The following ANAPC10 variants were observed in gnomAD, a reference collection of about 807,000 sequenced individuals.
ANAPC10 encodes the protein anaphase promoting complex subunit 10.
In ANAPC10, 12 loss-of-function variants were observed where a neutral mutation model predicts 22.0. The observed-to-expected ratio is 0.55, with a 90% confidence interval of 0.35 to 0.88. The LOEUF (loss-of-function observed/expected upper bound fraction) is 0.88, where lower values mean the gene tolerates loss of function less well. ANAPC10 is among the 40% of genes least tolerant of loss of function. The pLI, the probability that ANAPC10 is intolerant of heterozygous loss-of-function variation, is 0.01. For synonymous variants in ANAPC10, 65 were observed against 69.5 expected, an observed-to-expected ratio of 0.94 and a Z score of 0.32; for missense variants, 188 against 220.9, an observed-to-expected ratio of 0.85 and a Z score of 0.94.
At chr4:145,052,887 C>CA (rs11455853) in intron 4 of ANAPC10, among the ~76,000 whole-genome samples, 32,547 of 95,544 alleles carry the variant, frequency 0.34, 4,210 homozygotes, top group Non-Finnish European at 0.4. Flanking sequence ...GACTCTGTCT[C>CA]AAAAAAAAAA....
intron 2 of ANAPC10, 52 bp from the exon 3 acceptor site, chr4:145,081,802 C>G: frequency 1.7e-6 from 2 of 1,198,400 alleles, no homozygotes; most frequent in Non-Finnish European, 2.4e-6. Flanking sequence ...AACAACTATA[C>G]ATGCAAAACA....
chr4:145,097,508 C>T, intron 1 of ANAPC10: 1 of 1,287,228 alleles, frequency 7.8e-7, no homozygotes, highest in Non-Finnish European at 1.0e-6. Context: ...TTCCTTGACA[C>T]CTCCCATTGT....
intron 4 of ANAPC10, chr4:145,053,549 A>C (rs1267465536): frequency 4.9e-6 from 2 of 409,910 alleles, no homozygotes; most frequent in Admixed American, 4.4e-5. Context: ...GAGATGGCTA[A>C]GCTACGGTTT....
chr4:145,037,047 T>TGTGTGTGC lies in ANAPC10; in HGVS notation c.327+27524_327+27525insGCACACAC, dbSNP rs1245481901. 1.9e-4 allele frequency among the ~76,000 whole-genome samples: 28 copies of TGTGTGTGC among 148,526 alleles called. 1 individual carries two copies. The highest frequency in any genetic ancestry group is 6.8e-4 in the African/African-American group (27 of 39,922). ...GTGTGTGTGTGTGTGTGTATGTGTGTGCATGCATGAATGTGTGTTTTATGG... is the reference window on the plus strand; with the variant it reads ...GTGTGTGTGTGTGTGTGTATGTGTGTGTGTGTGCGCATGCATGAATGTGTGTTTTATGG... On this transcript the variant is annotated intron_variant, in intron 4 of 4. Transcript: ENST00000507656.
At chr4:145,069,866 T>A (rs1744239885) in intron 3 of ANAPC10, among the ~76,000 whole-genome samples, 2 of 152,140 alleles carry the variant, frequency 1.3e-5, no homozygotes, top group South Asian at 4.1e-4. Context: ...CCAAAAAGGT[T>A]CACAAAAAAT....
intron 4 of ANAPC10, among the ~76,000 whole-genome samples, chr4:145,006,660 T>C (rs1733420334): frequency 6.6e-6 from 1 of 152,182 alleles, no homozygotes; most frequent in Non-Finnish European, 1.5e-5. Context: ...TGTATAATTG[T>C]TATACTTTCC....
At chr4:145,097,374 T>G (rs372943163) in intron 1 of ANAPC10, 28 of 733,356 alleles carry the variant, frequency 3.8e-5, no homozygotes, top group Non-Finnish European at 5.5e-5. Context: ...TCTATTCATA[T>G]GTGAAAAAAC....
At chr4:145,038,718 A>G (rs994212127) in intron 4 of ANAPC10, among the ~76,000 whole-genome samples, 2 of 151,162 alleles carry the variant, frequency 1.3e-5, no homozygotes, top group Non-Finnish European at 2.9e-5. Flanking sequence ...GCTACTCAAG[A>G]GGCTGAGGCA....
At chr4:145,018,261 C>T (rs541718715) in intron 4 of ANAPC10, among the ~76,000 whole-genome samples, 1 of 151,902 alleles carries the variant, frequency 6.6e-6, no homozygotes, top group Admixed American at 6.6e-5. Flanking sequence ...GGAATGGTAC[C>T]TCACATCTCA....
chr4:145,043,056 C>A (rs1739749995), intron 4 of ANAPC10, among the ~76,000 whole-genome samples: 1 of 151,758 alleles, frequency 6.6e-6, no homozygotes, highest in African/African-American at 2.4e-5. Context: ...TTTACAAGGA[C>A]CTCACACAAA....
chr4:144,995,564 G>A lies in ANAPC10; in HGVS notation c.367C>T (p.Pro123Ser), dbSNP rs190357898. The A allele has an allele frequency of 1.9e-6, 3 of 1,613,166 alleles. No individual in the cohort carries two copies. Among genetic ancestry groups the A allele is most frequent in the Middle Eastern group, 1.7e-4 (1 of 6,054 alleles). Reference sequence around the variant, plus strand: ...GGCTTCTTATGATTGTCAGTTAAGGGAACATGAATCCAGCCACTTGGTTCC... The same window carrying A: ...GGCTTCTTATGATTGTCAGTTAAGGAAACATGAATCCAGCCACTTGGTTCC... The part of the protein sequence containing the change: ...LVEPSGWIHV[P>S]LTDNHKKPTR... The change falls in exon 5 of 5, where the codon CCC becomes TCC. Residue 123 changes from proline (P) to serine (S), a missense_variant. Physicochemically the swap from Pro to Ser is moderately conservative, Grantham distance 74. Coordinates refer to ENST00000507656, the MANE Select transcript of ANAPC10 (RefSeq NM_001256706.2).
intron 4 of ANAPC10, among the ~76,000 whole-genome samples, chr4:144,998,422 A>G (rs1452670459): frequency 6.6e-6 from 1 of 152,242 alleles, no homozygotes; most frequent in Non-Finnish European, 1.5e-5. Flanking sequence ...ACTGTCTCTC[A>G]GACCACAGGG....
At chr4:145,035,281 A>C (rs899961930) in intron 4 of ANAPC10, 1 of 152,156 alleles carries the variant, frequency 6.6e-6, no homozygotes, top group Non-Finnish European at 1.5e-5. Context: ...GTCAAAGAGG[A>C]CGACCCTCCC....
chr4:145,044,357 T>C (rs1042725925), intron 4 of ANAPC10, among the ~76,000 whole-genome samples: 1 of 152,084 alleles, frequency 6.6e-6, no homozygotes, highest in Non-Finnish European at 1.5e-5. Context: ...AAGACAGTAC[T>C]TTTTAGAGAT....
At chr4:145,082,467 G>A (rs993829671) in intron 2 of ANAPC10, among the ~76,000 whole-genome samples, 6 of 152,158 alleles carry the variant, frequency 3.9e-5, no homozygotes, top group African/African-American at 7.2e-5. Flanking sequence ...TTTAAAGAAC[G>A]TATGTATTTA....
intron 4 of ANAPC10, among the ~76,000 whole-genome samples, chr4:145,044,970 C>T (rs1046898526): frequency 5.9e-5 from 9 of 151,768 alleles, no homozygotes; most frequent in Admixed American, 1.3e-4. Flanking sequence ...TATAAACATT[C>T]GGAAGTTTTT....
chr4:145,061,859 G>A (rs551800375), intron 4 of ANAPC10, among the ~76,000 whole-genome samples: 1 of 152,230 alleles, frequency 6.6e-6, no homozygotes, highest in South Asian at 2.1e-4. Flanking sequence ...TGTAATCTCA[G>A]CACTTTGGGA....
At chr4:144,996,562 G>T (rs1731643944) in intron 4 of ANAPC10, among the ~76,000 whole-genome samples, 1 of 152,082 alleles carries the variant, frequency 6.6e-6, no homozygotes, top group Non-Finnish European at 1.5e-5. Flanking sequence ...TGCTTGCCTG[G>T]GAGGAACCCA....
chr4:145,016,897 T>C (rs1364131644), intron 4 of ANAPC10, among the ~76,000 whole-genome samples: 7 of 152,118 alleles, frequency 4.6e-5, no homozygotes, highest in South Asian at 2.1e-4. Flanking sequence ...ATAAATGGTG[T>C]TGGGAAAACT....
Sources: gnomAD v4.1 joint callset for allele counts (sites outside exome capture counted in the v4.1 genomes callset) on GRCh38, gnomAD v4.1.1 for gene constraint, MANE v1.5 for transcripts, NCBI Gene and HGNC (gene_info 2026-07-23, HGNC 2026-07-21) for gene names.